COL6A5: variants seen among roughly 807,000 people sequenced by gnomAD.
COL6A5 encodes collagen type VI alpha 5 chain, also known as collagen alpha-5(VI) chain.
A neutral mutation model predicts 65.6 loss-of-function variants in COL6A5; 48 were observed. The observed-to-expected ratio is 0.73, with a 90% confidence interval of 0.58 to 0.93. The LOEUF (loss-of-function observed/expected upper bound fraction) is 0.93. Among genes scored for constraint, COL6A5 ranks in the 40% least tolerant of loss-of-function variants. COL6A5 has a pLI of 0.00. For synonymous variants in COL6A5, 291 were observed against 322.8 expected, an observed-to-expected ratio of 0.90 and a Z score of 1.05; for missense variants, 914 against 928.3, an observed-to-expected ratio of 0.98 and a Z score of 0.20.
upstream of COL6A5, among the ~76,000 whole-genome samples, chr3:130,430,756 T>C (rs1937767335): frequency 1.3e-5 from 2 of 152,228 alleles, no homozygotes; most frequent in African/African-American, 4.8e-5. Context: ...GCCCCTGAGA[T>C]AGCCCCTTTT....
chr3:130,479,877 C>T (rs1710193444), intron 7 of COL6A5, among the ~76,000 whole-genome samples: 1 of 151,956 alleles, frequency 6.6e-6, no homozygotes, highest in African/African-American at 2.4e-5. Flanking sequence ...AATTAATAGC[C>T]ATTTGATAAA....
chr3:130,424,238 T>A (rs970251913), intron 29 of COL6A5, among the ~76,000 whole-genome samples: 4 of 152,110 alleles, frequency 2.6e-5, no homozygotes, highest in Non-Finnish European at 5.9e-5. Context: ...ATTGGTTAAC[T>A]CCAGTGTTAA....
exon 6 of COL6A5, chr3:130,388,883 A>C (rs752955944): frequency 6.5e-7 from 1 of 1,550,202 alleles, no homozygotes; most frequent in Middle Eastern, 1.7e-4. Context: ...ACCCACTCCA[A>C]GGGGGCCCGT....
chr3:130,345,696 A>G (rs77463356), exon 1 of COL6A5: 2 of 398,554 alleles, frequency 5.0e-6, no homozygotes, highest in Admixed American at 8.8e-5. Flanking sequence ...ACTTGTGAAG[A>G]GTTAAAAGCC....
chr3:130,398,083 AAATC>A (rs1936673907), exon 10 of COL6A5: 2 of 1,550,766 alleles, frequency 1.3e-6, no homozygotes, highest in Non-Finnish European at 1.7e-6. Context: ...TAATGCTTGA[AAATC>A]AATCAGACAG....
intron 7 of COL6A5, 111 bp from the exon 8 acceptor site, chr3:130,394,779 T>A: frequency 1.4e-6 from 1 of 729,476 alleles, no homozygotes; most frequent in Non-Finnish European, 2.2e-6. Flanking sequence ...TTATCTCAAT[T>A]TGCTAATGTA....
intron 1 of COL6A5, among the ~76,000 whole-genome samples, chr3:130,371,291 C>T (rs1935545819): frequency 1.3e-5 from 2 of 151,412 alleles, no homozygotes; most frequent in African/African-American, 4.9e-5. Flanking sequence ...ATCCAGATGC[C>T]TTTTCTTTTT....
chr3:130,430,573 A>C (rs1177444721), upstream of COL6A5, among the ~76,000 whole-genome samples: 1 of 152,236 alleles, frequency 6.6e-6, no homozygotes, highest in African/African-American at 2.4e-5. Context: ...GGTTTGATAC[A>C]TAGGGTAGAT....
At chr3:130,405,783 A>G in intron 14 of COL6A5, 124 bp downstream of exon 14, 1 of 943,418 alleles carries the variant, frequency 1.1e-6, no homozygotes, top group African/African-American at 1.6e-5. Flanking sequence ...TTCTCCAGTT[A>G]TATAGATGAG....
chr3:130,403,488 C>A, intron 12 of COL6A5, 121 bp from the exon 13 acceptor site: 1 of 767,668 alleles, frequency 1.3e-6, no homozygotes, highest in Non-Finnish European at 2.2e-6. Context: ...CTCACGGCCA[C>A]ATCTGCAGAA....
intron 4 of COL6A5, among the ~76,000 whole-genome samples, chr3:130,380,468 C>T (rs1935958447): frequency 6.6e-6 from 1 of 152,108 alleles, no homozygotes; most frequent in African/African-American, 2.4e-5. Context: ...CTCTCTCCCT[C>T]TCTGTCTTCC....
chr3:130,428,916 G>A (rs1188777162), upstream of COL6A5, among the ~76,000 whole-genome samples: 2 of 152,086 alleles, frequency 1.3e-5, no homozygotes, highest in African/African-American at 2.4e-5. Context: ...CCTAGGAATC[G>A]AGTGAAATGA....
intron 5 of COL6A5, 50 bp downstream of exon 37, chr3:130,455,716 C>T (rs757286986): frequency 1.3e-5 from 18 of 1,393,722 alleles, no homozygotes; most frequent in African/African-American, 1.3e-4. Flanking sequence ...CCAGGATCCT[C>T]ATCTTTTAAC....
chr3:130,463,314 C>A (rs540887220), intron 5 of COL6A5, among the ~76,000 whole-genome samples: 16 of 97,002 alleles, frequency 1.6e-4, no homozygotes, highest in Admixed American at 6.5e-4. Context: ...GGCCCCTGAA[C>A]AAATTTCAAA....
At chr3:130,422,848 A>G (rs1937540800) in intron 28 of COL6A5, 66 bp downstream of exon 28, 4 of 1,030,066 alleles carry the variant, frequency 3.9e-6, no homozygotes, top group Non-Finnish European at 5.6e-6. Context: ...TTATGTTATA[A>G]TAATAAATGT....
chr3:130,357,177 G>A (rs1269784443), intron 1 of COL6A5, among the ~76,000 whole-genome samples: 1 of 152,122 alleles, frequency 6.6e-6, no homozygotes, highest in Non-Finnish European at 1.5e-5. Flanking sequence ...TAGAAAAAAA[G>A]GGGGAATAAT....
At chr3:130,431,041 T>A (rs970120704), upstream of COL6A5, among the ~76,000 whole-genome samples, 4 of 152,210 alleles carry the variant, frequency 2.6e-5, no homozygotes, top group African/African-American at 7.2e-5. Context: ...AGATCTCCAA[T>A]AAGCTATAAT....
At chr3:130,359,951 A>G (rs1471613435) in intron 1 of COL6A5, among the ~76,000 whole-genome samples, 1 of 152,060 alleles carries the variant, frequency 6.6e-6, no homozygotes, top group Non-Finnish European at 1.5e-5. Flanking sequence ...TTTCAAGAAA[A>G]ATTCTACTTT....
upstream of COL6A5, among the ~76,000 whole-genome samples, chr3:130,428,617 T>A (rs1467857960): frequency 6.6e-6 from 1 of 152,234 alleles, no homozygotes; most frequent in Non-Finnish European, 1.5e-5. Flanking sequence ...GGGTTTCTGC[T>A]TCTACGACCT....
Sources: allele counts gnomAD v4.1 joint callset (sites outside exome capture counted in the v4.1 genomes callset), GRCh38; gene constraint gnomAD v4.1.1; transcripts MANE v1.5; gene names NCBI Gene and HGNC (gene_info 2026-07-23, HGNC 2026-07-21).